The following KCNG2 variants were observed in gnomAD, a reference collection of about 807,000 sequenced individuals.
KCNG2 encodes the protein voltage-gated potassium channel regulatory subunit KCNG2.
A neutral mutation model predicts 12.3 loss-of-function variants in KCNG2; 7 were observed. The ratio of observed to expected loss-of-function variants is 0.57; its 90% CI spans 0.32 to 1.07. The LOEUF is 1.07. Ranked by LOEUF, KCNG2 falls within the 50% of genes least tolerant of loss-of-function variation. The pLI is 0.04. For synonymous variants in KCNG2, 414 were observed against 351.4 expected, an observed-to-expected ratio of 1.18 and a Z score of -1.99; for missense variants, 703 against 726.0, an observed-to-expected ratio of 0.97 and a Z score of 0.36.
At chr18:79,840,768 G>A (rs1978435560) in intron 1 of KCNG2, among the ~76,000 whole-genome samples, 1 of 152,090 alleles carries the variant, frequency 6.6e-6, no homozygotes, top group Non-Finnish European at 1.5e-5. Context: ...ATAGAACAGA[G>A]AACCCAGAAA....
chr18:79,885,211 A>C (rs1204042190), intron 3 of KCNG2, among the ~76,000 whole-genome samples: 2 of 151,670 alleles, frequency 1.3e-5, no homozygotes, highest in African/African-American at 4.9e-5. Context: ...CCCACAGAAA[A>C]CCCTGAATGT....
intron 1 of KCNG2, among the ~76,000 whole-genome samples, chr18:79,849,725 T>G (rs1978750816): frequency 6.6e-6 from 1 of 152,234 alleles, no homozygotes; most frequent in Non-Finnish European, 1.5e-5. Flanking sequence ...AGCCTTGTTC[T>G]TGCGTGGCTG....
chr18:79,830,003 C>G (rs1978291176), intron 1 of KCNG2, among the ~76,000 whole-genome samples: 1 of 152,170 alleles, frequency 6.6e-6, no homozygotes, highest in African/African-American at 2.4e-5. Context: ...GGGATGCTGT[C>G]TGAGAAAAAG....
Position 79,863,762 on chromosome 18 carries a change from G to T in KCNG2, c.95G>T (p.Trp32Leu). 8.1e-7 allele frequency: 1 copy of T among 1,231,590 alleles called. No individual in the cohort carries two copies. 76.3% of individuals were successfully genotyped at this position (1,231,590 alleles called of 1,614,324 possible). The part of the protein sequence containing the change: ...NVGGCRVRLA[W>L]AALARCPLAR... ...GGCGGCTGCCGCGTGCGCCTGGCAT[G>T]GGCCGCGCTGGCGCGATGCCCCCTC... The change falls in exon 3 of 4, where the codon TGG becomes TTG. Residue 32 changes from tryptophan to leucine, a missense_variant. Transcript: ENST00000316249.
chr18:79,874,333 G>C (rs1238020865), intron 3 of KCNG2, among the ~76,000 whole-genome samples: 2 of 152,230 alleles, frequency 1.3e-5, no homozygotes, highest in Non-Finnish European at 2.9e-5. Flanking sequence ...CTCAGCAAGA[G>C]AGGTTCTGTG....
At chr18:79,825,941 G>A (rs1978285316) in intron 1 of KCNG2, among the ~76,000 whole-genome samples, 1 of 152,214 alleles carries the variant, frequency 6.6e-6, no homozygotes, top group Non-Finnish European at 1.5e-5. Context: ...GACACCTGTC[G>A]CCCTCTCGGC....
At chr18:79,873,749 G>A (rs1037870309) in intron 3 of KCNG2, among the ~76,000 whole-genome samples, 5 of 152,232 alleles carry the variant, frequency 3.3e-5, no homozygotes, top group African/African-American at 9.6e-5. Context: ...TGGAGCGGCC[G>A]CGGTTAGAGC....
At chr18:79,858,095 G>A (rs1979084292) in intron 2 of KCNG2, among the ~76,000 whole-genome samples, 1 of 152,126 alleles carries the variant, frequency 6.6e-6, no homozygotes, top group South Asian at 2.1e-4. Context: ...CTGACTCCCG[G>A]GTTCAAGTGA....
At chr18:79,838,271 T>C (rs1568251861) in intron 1 of KCNG2, among the ~76,000 whole-genome samples, 1 of 152,104 alleles carries the variant, frequency 6.6e-6, no homozygotes, top group African/African-American at 2.4e-5. Flanking sequence ...TCTCAACAAA[T>C]TTAAAAGAAC....
chr18:79,865,548 TGCTGAGGTCTGG>T (rs1979464662), intron 3 of KCNG2, among the ~76,000 whole-genome samples: 1 of 106,578 alleles, frequency 9.4e-6, no homozygotes, highest in Non-Finnish European at 2.0e-5. Flanking sequence ...GAGGTCTGGG[TGCTGAGGTCTGG>T]GTGCTGAGAG....
At chr18:79,825,166 G>A (rs1372002537) in intron 1 of KCNG2, among the ~76,000 whole-genome samples, 1 of 152,080 alleles carries the variant, frequency 6.6e-6, no homozygotes, top group Non-Finnish European at 1.5e-5. Flanking sequence ...AACTCTCCTG[G>A]GACAGTTTTT....
chr18:79,848,548 T>C (rs1978702186), intron 1 of KCNG2, among the ~76,000 whole-genome samples: 1 of 152,198 alleles, frequency 6.6e-6, no homozygotes, highest in African/African-American at 2.4e-5. Flanking sequence ...AGGGGCCTTG[T>C]CTTAGCCACA....
intron 3 of KCNG2, 100 bp from the exon 4 acceptor site, chr18:79,898,940 T>G (rs1009989006): frequency 2.3e-6 from 2 of 870,448 alleles, no homozygotes; most frequent in African/African-American, 1.8e-5. Flanking sequence ...GCGGGAAGGG[T>G]GGCCTGGGGG....
chr18:79,861,915 T>A (rs1979235830), intron 2 of KCNG2, among the ~76,000 whole-genome samples: 1 of 152,234 alleles, frequency 6.6e-6, no homozygotes, highest in South Asian at 2.1e-4. Flanking sequence ...TAGCTGCTGC[T>A]GAGACCCTCT....
At chr18:79,816,837 A>G (rs1449975593) in intron 1 of KCNG2, among the ~76,000 whole-genome samples, 1 of 152,236 alleles carries the variant, frequency 6.6e-6, no homozygotes, top group East Asian at 1.9e-4. Flanking sequence ...AACAGGTCAC[A>G]AATCCAGAAG....
intron 1 of KCNG2, among the ~76,000 whole-genome samples, chr18:79,809,542 C>T (rs1294195389): frequency 9.5e-6 from 1 of 105,460 alleles, no homozygotes; most frequent in African/African-American, 3.6e-5. Flanking sequence ...CCACACTCCA[C>T]GTTACCGGCC....
At chr18:79,816,781 G>C (rs566950920) in intron 1 of KCNG2, among the ~76,000 whole-genome samples, 2 of 152,354 alleles carry the variant, frequency 1.3e-5, no homozygotes, top group South Asian at 4.1e-4. Context: ...GCAGTGTGGA[G>C]GGCCCAGTCT....
chr18:79,804,009 G>C (rs1006268011), intron 1 of KCNG2, among the ~76,000 whole-genome samples: 1 of 152,176 alleles, frequency 6.6e-6, no homozygotes, highest in African/African-American at 2.4e-5. Flanking sequence ...CCTCAACATG[G>C]GGATCTTGTT....
At chr18:79,863,002 C>T (rs1404632135) in intron 2 of KCNG2, among the ~76,000 whole-genome samples, 1 of 152,210 alleles carries the variant, frequency 6.6e-6, no homozygotes, top group African/African-American at 2.4e-5. Context: ...TTCTTAGTGC[C>T]CCACGGTTGG....
Sources: gnomAD v4.1 joint callset for allele counts (sites outside exome capture counted in the v4.1 genomes callset) on GRCh38, gnomAD v4.1.1 for gene constraint, MANE v1.5 for transcripts, NCBI Gene and HGNC (gene_info 2026-07-23, HGNC 2026-07-21) for gene names.